RIMS2: variants seen among roughly 807,000 people sequenced by gnomAD.
RIMS2 encodes regulating synaptic membrane exocytosis protein 2.
In RIMS2, 59 loss-of-function variants were observed where a neutral mutation model predicts 174.4. That is an observed-to-expected ratio of 0.34 (90% CI 0.27 to 0.42). RIMS2 has a LOEUF of 0.42. Ranked by LOEUF, RIMS2 falls within the 10% of genes least tolerant of loss-of-function variation. The pLI is 1.00. For missense variants in RIMS2, 1,620 were observed against 1,666.3 expected, an observed-to-expected ratio of 0.97 and a Z score of 0.48; for synonymous variants, 606 against 572.5, an observed-to-expected ratio of 1.06 and a Z score of -0.84.
chr8:104,008,507 G>C (rs2095659713), intron 17 of RIMS2, among the ~76,000 whole-genome samples: 1 of 150,520 alleles, frequency 6.6e-6, no homozygotes, highest in South Asian at 2.1e-4. Context: ...GTGTGTGTGT[G>C]TGTTTAATAA....
At chr8:103,896,161 C>T (rs1216056679) in intron 4 of RIMS2, among the ~76,000 whole-genome samples, 1 of 151,586 alleles carries the variant, frequency 6.6e-6, no homozygotes, top group Non-Finnish European at 1.5e-5. Context: ...GTCTGCTTCA[C>T]CCTTTGTTGG....
At chr8:104,037,557 G>A (rs1478320905) in intron 19 of RIMS2, among the ~76,000 whole-genome samples, 1 of 152,150 alleles carries the variant, frequency 6.6e-6, no homozygotes, top group African/African-American at 2.4e-5. Flanking sequence ...GGTGAAAACT[G>A]CGTTTGTGGA....
Position 103,862,047 on chromosome 8 carries a change from G to T in RIMS2, c.699-23251G>T, listed in dbSNP as rs1031519698. Among the ~76,000 whole-genome samples the T allele has an allele frequency of 5.9e-5, 9 of 152,048 alleles. No individual in the cohort carries two copies. In the South Asian group the frequency reaches 6.2e-4, roughly 11 times the overall value. On this transcript the variant is annotated intron_variant, in intron 3 of 23. Coordinates refer to ENST00000504942, the Ensembl canonical transcript of RIMS2. ...TTGGGCTCGTAGTCATAAATTCTTT[G>T]CCTAGGCCAATGTCTGAAAGAATTT... is the stretch of plus-strand genomic sequence containing the variant.
downstream of RIMS2, chr8:104,252,787 A>T (rs1339748609): frequency 2.0e-5 from 3 of 152,150 alleles, no homozygotes; most frequent in Admixed American, 1.3e-4. Flanking sequence ...TAAATATACA[A>T]ATCTTATGAA....
At chr8:103,672,469 A>C (rs1234748527) in intron 1 of RIMS2, among the ~76,000 whole-genome samples, 1 of 151,798 alleles carries the variant, frequency 6.6e-6, no homozygotes, top group African/African-American at 2.4e-5. Context: ...TTGGGCTTTT[A>C]GGGAGGCCCC....
chr8:103,928,840 G>A (rs2079298809), intron 11 of RIMS2, among the ~76,000 whole-genome samples: 1 of 151,312 alleles, frequency 6.6e-6, no homozygotes, highest in African/African-American at 2.4e-5. Context: ...AACTATGTCA[G>A]GACCAGAATT....
intron 1 of RIMS2, among the ~76,000 whole-genome samples, chr8:103,606,994 C>T (rs1010990187): frequency 6.6e-6 from 1 of 151,776 alleles, no homozygotes; most frequent in Non-Finnish European, 1.5e-5. Context: ...GCATTTAGTC[C>T]ATTTACATTT....
chr8:103,789,749 CTTTTTTTTT>C (rs11354049), intron 3 of RIMS2, among the ~76,000 whole-genome samples: 3 of 85,160 alleles, frequency 3.5e-5, no homozygotes, highest in Admixed American at 2.9e-4. Flanking sequence ...GGATTGTACT[CTTTTTTTTT>C]TTTTTTTTTT....
At chr8:103,734,770 G>C (rs561447306) in intron 2 of RIMS2, among the ~76,000 whole-genome samples, 1 of 152,032 alleles carries the variant, frequency 6.6e-6, no homozygotes, top group South Asian at 2.1e-4. Context: ...GCTTTGGTAG[G>C]CCTCTTGTGC....
chr8:103,517,726 G>C (rs1429838935), intron 1 of RIMS2, among the ~76,000 whole-genome samples: 1 of 152,056 alleles, frequency 6.6e-6, no homozygotes, highest in Non-Finnish European at 1.5e-5. Flanking sequence ...GCAATGGAAG[G>C]CTGCAGTGCA....
At chr8:103,646,766 A>G (rs2096342309) in intron 1 of RIMS2, among the ~76,000 whole-genome samples, 1 of 151,974 alleles carries the variant, frequency 6.6e-6, no homozygotes, top group Admixed American at 6.5e-5. Context: ...ATATAGGATC[A>G]TGTCATCTGC....
At chr8:104,092,676 C>T (rs1239983722) in intron 19 of RIMS2, among the ~76,000 whole-genome samples, 3 of 151,744 alleles carry the variant, frequency 2.0e-5, no homozygotes, top group Admixed American at 2.0e-4. Context: ...TTTTTCTTAC[C>T]TCAGGTTTGC....
At chr8:103,806,280 A>G (rs1399251177) in intron 3 of RIMS2, among the ~76,000 whole-genome samples, 1 of 152,216 alleles carries the variant, frequency 6.6e-6, no homozygotes, top group Non-Finnish European at 1.5e-5. Flanking sequence ...TTCAAGGCTG[A>G]AGGCCTTGTT....
intron 1 of RIMS2, among the ~76,000 whole-genome samples, chr8:103,560,027 C>T (rs541704863): frequency 1.3e-5 from 2 of 152,278 alleles, no homozygotes; most frequent in South Asian, 4.1e-4. Context: ...GCCCTTTGAC[C>T]TAGAAGGAGA....
intron 15 of RIMS2, among the ~76,000 whole-genome samples, chr8:103,962,729 A>G (rs1385691202): frequency 6.6e-6 from 1 of 151,848 alleles, no homozygotes; most frequent in East Asian, 1.9e-4. Context: ...GGCTCATTTG[A>G]CCCTCTCAGC....
Position 104,251,542 on chromosome 8 carries a change from A to G in RIMS2, c.3832-60A>G, listed in dbSNP as rs549403109. On this transcript the variant is annotated intron_variant, in intron 23 of 23. Coordinates refer to ENST00000504942, the Ensembl canonical transcript of RIMS2. ...GTACTTTAGTATTTTAATATATTTT[A>G]CAAGTTTTTCTATGTACACAGTTAC... 8.6e-5 allele frequency: 76 copies of G among 878,874 alleles called. No homozygotes were observed. In the African/African-American group the frequency reaches 1.2e-3, roughly 14 times the overall value. 54.4% of individuals were successfully genotyped at this position (878,874 alleles called of 1,614,324 possible). A position where few individuals can be genotyped will look rare whatever the true frequency, so the allele number is the denominator to read the frequency against.
chr8:104,026,519 G>C (rs1034441525), intron 19 of RIMS2, among the ~76,000 whole-genome samples: 2 of 151,968 alleles, frequency 1.3e-5, no homozygotes, highest in Middle Eastern at 3.2e-3. Flanking sequence ...CTATTAAAAA[G>C]TCAGATCCCT....
At chr8:104,002,357 G>T (rs1263723204) in intron 17 of RIMS2, among the ~76,000 whole-genome samples, 1 of 151,948 alleles carries the variant, frequency 6.6e-6, no homozygotes, top group South Asian at 2.1e-4. Context: ...TTCTCTTGCT[G>T]CATTGTTCTT....
chr8:103,793,259 A>T (rs1419554450), intron 3 of RIMS2, among the ~76,000 whole-genome samples: 1 of 152,184 alleles, frequency 6.6e-6, no homozygotes, highest in African/African-American at 2.4e-5. Context: ...CATCCCTGGG[A>T]TGGAAGGCTG....
Sources: gnomAD v4.1 joint callset for allele counts (sites outside exome capture counted in the v4.1 genomes callset) on GRCh38, gnomAD v4.1.1 for gene constraint, MANE v1.5 for transcripts, NCBI Gene and HGNC (gene_info 2026-07-23, HGNC 2026-07-21) for gene names.